Variants in IL20RB observed in about 807,000 individuals in gnomAD.
IL20RB encodes the protein interleukin-20 receptor subunit beta.
Under a neutral mutation model 33.3 loss-of-function variants are expected in IL20RB, and 21 were observed. That is an observed-to-expected ratio of 0.63 (90% CI 0.45 to 0.91). The LOEUF is 0.91. Among genes scored for constraint, IL20RB ranks in the 40% least tolerant of loss-of-function variants. The pLI, the probability that IL20RB is intolerant of heterozygous loss-of-function variation, is 0.00. For synonymous variants in IL20RB, 147 were observed against 146.8 expected (o/e 1.00, Z -0.01); for missense variants, 345 against 384.8 (o/e 0.90, Z 0.86).
intron 1 of IL20RB, 158 bp from the exon 2 acceptor site, chr3:136,980,308 C>A: frequency 9.8e-5 from 63 of 641,884 alleles, no homozygotes; most frequent in East Asian, 1.5e-4. Context: ...TTTTTTGAGA[C>A]AGAGTCTCAT....
chr3:136,998,839 G>T (rs967529535), intron 6 of IL20RB, among the ~76,000 whole-genome samples: 1 of 151,896 alleles, frequency 6.6e-6, no homozygotes, highest in African/African-American at 2.4e-5. Context: ...TACTTTAAAA[G>T]TATTGTTTAA....
intron 6 of IL20RB, among the ~76,000 whole-genome samples, chr3:136,995,900 G>C (rs973130945): frequency 6.6e-4 from 101 of 152,114 alleles, no homozygotes; most frequent in Non-Finnish European, 1.4e-3. Flanking sequence ...GAGCATTCTT[G>C]GCCTCTTCCC....
chr3:136,973,112 T>C (rs1000591042), intron 1 of IL20RB, among the ~76,000 whole-genome samples: 46 of 152,174 alleles, frequency 3.0e-4, no homozygotes, highest in African/African-American at 1.1e-3. Context: ...TTACACCAGT[T>C]TAAGTTTTTC....
intron 5 of IL20RB, 35 bp downstream of exon 5, chr3:136,992,123 C>A (rs755274170): frequency 1.2e-6 from 2 of 1,607,952 alleles, no homozygotes; most frequent in African/African-American, 2.7e-5. Context: ...GAGCCCTGCA[C>A]AGGTGATAGC....
chr3:136,989,441 C>G lies in IL20RB; in HGVS notation c.407C>G (p.Thr136Ser). ...GACTCTCCTGTTGTCTTGCCAACAG[C>G]CATCCTTACCCGACCTGGGATGGAG... ...ILKHPFNRNS[T>S]ILTRPGMEIT... The change falls in exon 4 of 7, where the codon ACC becomes AGC. Residue 136 changes from threonine (T) to serine (S), a missense_variant and splice_region_variant. Thr to Ser is a moderately conservative substitution (Grantham distance 58, BLOSUM62 1). Coordinates refer to ENST00000329582, the MANE Select transcript of IL20RB (RefSeq NM_144717.4). The G allele has an allele frequency of 1.2e-6, 2 of 1,613,624 alleles. No homozygotes were observed. Among genetic ancestry groups the G allele is most frequent in the Non-Finnish European group, 1.7e-6 (2 of 1,179,672 alleles).
At chr3:137,005,085 G>C (rs1171716660) in intron 6 of IL20RB, among the ~76,000 whole-genome samples, 1 of 152,220 alleles carries the variant, frequency 6.6e-6, no homozygotes, top group Non-Finnish European at 1.5e-5. Flanking sequence ...TTTTGAGTGA[G>C]TTTCTTAATC....
At position 136,958,029 on chromosome 3, in the gene IL20RB, T is replaced by G. The variant is rs1941089066; in HGVS notation, c.-85T>G. 1 of 840,484 alleles carries G rather than the reference T, an allele frequency of 1.2e-6. No homozygotes were observed. Among genetic ancestry groups the G allele is most frequent in the Admixed American group, 1.9e-5 (1 of 53,898 alleles). The allele number at this position is 840,484 out of a possible 1,614,324, so 52.1% of individuals were successfully genotyped here. A position where few individuals can be genotyped will look rare whatever the true frequency, so the allele number is the denominator to read the frequency against. On this transcript the variant is annotated 5_prime_UTR_variant, in exon 1 of 7. It removes an upstream start codon present in the reference 5' UTR. Coordinates refer to ENST00000329582, the MANE Select transcript of IL20RB (RefSeq NM_144717.4). ...CGACTCAGACCTCAGCTCCAACATA[T>G]GCATTCTGAAGAAAGATGGCTGAGA...
intron 2 of IL20RB, 140 bp from the exon 3 acceptor site, chr3:136,982,020 A>G (rs773296664): frequency 1.1e-4 from 57 of 505,014 alleles, no homozygotes; most frequent in Non-Finnish European, 1.8e-4. Flanking sequence ...TAGGGAGGAG[A>G]GTGGAGGAGC....
At chr3:136,971,212 C>T (rs1941473638) in intron 1 of IL20RB, among the ~76,000 whole-genome samples, 1 of 152,042 alleles carries the variant, frequency 6.6e-6, no homozygotes, top group Admixed American at 6.5e-5. Flanking sequence ...CTCACTGCAA[C>T]CTCTGCCTCC....
At chr3:136,992,123 C>T (rs755274170) in intron 5 of IL20RB, 35 bp downstream of exon 5, 2 of 1,608,070 alleles carry the variant, frequency 1.2e-6, no homozygotes, top group Admixed American at 1.7e-5. Context: ...GAGCCCTGCA[C>T]AGGTGATAGC....
intron 6 of IL20RB, among the ~76,000 whole-genome samples, chr3:136,997,049 T>C (rs1410480718): frequency 6.6e-6 from 1 of 152,036 alleles, no homozygotes; most frequent in Non-Finnish European, 1.5e-5. Context: ...ATATTGAGAG[T>C]AGGATATCAA....
chr3:136,989,617 A>C (rs1367673778), intron 4 of IL20RB, 52 bp downstream of exon 4: 1 of 1,605,690 alleles, frequency 6.2e-7, no homozygotes, highest in East Asian at 2.2e-5. Flanking sequence ...GAAGGCACAG[A>C]TTTCTGAGGG....
intron 3 of IL20RB, chr3:136,986,554 A>T (rs893187179): frequency 2.5e-6 from 1 of 402,032 alleles, no homozygotes; most frequent in Non-Finnish European, 5.1e-6. Context: ...CTCAGGACTG[A>T]GTGTGTTTTG....
chr3:136,998,037 T>C (rs952011279), intron 6 of IL20RB, among the ~76,000 whole-genome samples: 23 of 152,088 alleles, frequency 1.5e-4, no homozygotes, highest in African/African-American at 5.6e-4. Context: ...CCCAAAGTGC[T>C]GGGATAACAG....
Position 136,969,574 on chromosome 3 carries a change from A to C in IL20RB, c.89-10892A>C, listed in dbSNP as rs1359639964. Among the ~76,000 whole-genome samples the C allele has an allele frequency of 3.4e-5, 5 of 147,260 alleles. No individual in the cohort carries two copies. The South Asian group carries it at 6.7e-4, about 20-fold the overall frequency. On this transcript the variant is annotated intron_variant, in intron 1 of 6. Transcript: ENST00000329582. ...TTCGGCTCGCGCACGGTGCGCACAC[A>C]CACTGGCCTGCGCACACTGTCTGGC...
Position 136,995,538 on chromosome 3 carries a change from G to T in IL20RB, c.807G>T (p.Val269=). 1 of 1,614,094 alleles carries T rather than the reference G, an allele frequency of 6.2e-7. No individual in the cohort carries two copies. The highest frequency in any genetic ancestry group is 8.5e-7 in the Non-Finnish European group (1 of 1,180,010). The change falls in exon 6 of 7, where the codon GTG becomes GTT. Residue 269 remains valine (V), a synonymous_variant. Transcript: ENST00000329582. ...RLLQYSCCPV[V]VLPDTLKITN... ...TCCAGTACTCCTGTTGCCCCGTGGT[G>T]GTCCTCCCAGACACCTTGGTAATAG...
chr3:137,003,089 G>A (rs2107721015), intron 6 of IL20RB, among the ~76,000 whole-genome samples: 1 of 152,212 alleles, frequency 6.6e-6, no homozygotes, highest in African/African-American at 2.4e-5. Context: ...TAGATGTGTG[G>A]TGTTATATCT....
intron 1 of IL20RB, among the ~76,000 whole-genome samples, chr3:136,977,221 T>C (rs565761115): frequency 6.6e-6 from 1 of 152,354 alleles, no homozygotes; most frequent in East Asian, 1.9e-4. Context: ...CCCCTCCTTT[T>C]ATGTATTATA....
chr3:136,977,320 C>T (rs1330186822), intron 1 of IL20RB, among the ~76,000 whole-genome samples: 1 of 152,090 alleles, frequency 6.6e-6, no homozygotes, highest in Non-Finnish European at 1.5e-5. Flanking sequence ...TTGCATTAAA[C>T]CTATATACAA....
Sources: allele counts gnomAD v4.1 joint callset (sites outside exome capture counted in the v4.1 genomes callset), GRCh38; gene constraint gnomAD v4.1.1; transcripts MANE v1.5; gene names NCBI Gene and HGNC (gene_info 2026-07-23, HGNC 2026-07-21).